The following CLIC5 variants were observed in gnomAD, a reference collection of about 807,000 sequenced individuals.
The protein encoded by CLIC5 is chloride intracellular channel protein 5.
A neutral mutation model predicts 24.7 loss-of-function variants in CLIC5; 20 were observed. The observed-to-expected ratio is 0.81, with a 90% CI of 0.57 to 1.18. The LOEUF is 1.18. CLIC5 is among the 50% of genes most tolerant of loss of function. The pLI is 0.00. For synonymous variants in CLIC5, 159 were observed against 135.6 expected (o/e 1.17, Z -1.20); for missense variants, 341 against 326.1 (o/e 1.05, Z -0.35).
chr6:46,088,161 C>CTGTGTG, the CLIC5 span, among the ~76,000 whole-genome samples: 11,036 of 146,376 alleles, frequency 0.075, 487 homozygotes, highest in South Asian at 0.12. Context: ...CGCTCTCTTT[C>CTGTGTG]TGTGTGTGTG....
chr6:46,126,725 C>T, the CLIC5 span, among the ~76,000 whole-genome samples: 1 of 152,178 alleles, frequency 6.6e-6, no homozygotes, highest in African/African-American at 2.4e-5. Flanking sequence ...CTCTCCTTGA[C>T]ATTCAATTAT....
intron 1 of CLIC5, among the ~76,000 whole-genome samples, chr6:46,055,501 G>A (rs1768222844): frequency 1.3e-5 from 2 of 152,330 alleles, no homozygotes; most frequent in African/African-American, 2.4e-5. Flanking sequence ...GCCTCCCAAA[G>A]TGCTGGGATT....
rs543749667 is a variant in CLIC5, at chr6:46,072,346, TGTGGTCAAGATGACACTGATCAGTA to T, written c.540+7332_540+7356del. Among the ~76,000 whole-genome samples the T allele has an allele frequency of 1.2e-3, 177 of 151,992 alleles. 3 individuals are homozygous for T. The South Asian group carries it at 0.031, about 27-fold the overall frequency. The stretch of plus-strand genomic sequence containing the variant: ...GAGGCAGAGTGACCAGTTAAACAGC[TGTGGTCAAGATGACACTGATCAGTA>T]GTGGCCAAGATGAAGAGGAGAGAAT... On this transcript the variant is annotated intron_variant, in intron 1 of 5. Coordinates refer to the CLIC5 transcript ENST00000185206.
downstream of CLIC5, among the ~76,000 whole-genome samples, chr6:45,894,767 G>A (rs1253103904): frequency 2.0e-5 from 3 of 152,114 alleles, no homozygotes; most frequent in African/African-American, 7.2e-5. Context: ...GGCAGAAAAC[G>A]GGCTGGGATT....
intron 1 of CLIC5, among the ~76,000 whole-genome samples, chr6:45,963,860 A>G (rs1764931720): frequency 6.6e-6 from 1 of 152,134 alleles, no homozygotes; most frequent in Non-Finnish European, 1.5e-5. Context: ...GTCAGACAAT[A>G]TGCCTTGTTA....
chr6:46,090,429 A>T, the CLIC5 span, among the ~76,000 whole-genome samples: 3 of 149,362 alleles, frequency 2.0e-5, no homozygotes, highest in African/African-American at 7.4e-5. Flanking sequence ...TCCACTTCCC[A>T]ATTATTTTGC....
intron 1 of CLIC5, among the ~76,000 whole-genome samples, chr6:45,981,137 T>C (rs774846588): frequency 6.6e-5 from 10 of 151,954 alleles, no homozygotes; most frequent in Non-Finnish European, 1.2e-4. Flanking sequence ...GTCTGGCTAA[T>C]TTTTGTATTT....
At chr6:45,906,413 G>A (rs1297111460) in intron 5 of CLIC5, among the ~76,000 whole-genome samples, 1 of 152,058 alleles carries the variant, frequency 6.6e-6, no homozygotes, top group Non-Finnish European at 1.5e-5. Flanking sequence ...AGCTCCCCTT[G>A]TAGAGATTTT....
At chr6:46,050,550 A>G (rs12192802) in intron 1 of CLIC5, among the ~76,000 whole-genome samples, 30,120 of 152,164 alleles carry the variant, frequency 0.2, 3,163 homozygotes, top group South Asian at 0.36. Flanking sequence ...ACAGATGCCA[A>G]ACCAATTTGC....
chr6:45,941,706 A>G, intron 3 of CLIC5, 53 bp from the exon 4 acceptor site: 1 of 1,297,042 alleles, frequency 7.7e-7, no homozygotes, highest in Non-Finnish European at 1.1e-6. Context: ...AGCTCCTTTA[A>G]GGGTGAGCCT....
intron 1 of CLIC5, among the ~76,000 whole-genome samples, chr6:45,984,919 G>A (rs1443074852): frequency 6.6e-6 from 1 of 152,188 alleles, no homozygotes. Flanking sequence ...GGGAAACAAG[G>A]TCGGTAACTG....
intron 4 of CLIC5, among the ~76,000 whole-genome samples, chr6:45,925,326 T>C (rs1235352945): frequency 6.6e-6 from 1 of 151,702 alleles, no homozygotes; most frequent in Non-Finnish European, 1.5e-5. Flanking sequence ...GCTTTTTTTT[T>C]TTTTTTTTGA....
intron 1 of CLIC5, among the ~76,000 whole-genome samples, chr6:46,057,726 C>A (rs940756864): frequency 6.6e-6 from 1 of 152,164 alleles, no homozygotes. Flanking sequence ...ATACCAGAAC[C>A]ATCCCCACCC....
At chr6:46,052,091 A>G (rs1294107789) in intron 1 of CLIC5, among the ~76,000 whole-genome samples, 12 of 151,072 alleles carry the variant, frequency 7.9e-5, no homozygotes, top group Non-Finnish European at 1.8e-4. Context: ...TCCATAGTAT[A>G]TTTCTTGGAA....
At chr6:46,001,267 G>A (rs1423882046) in intron 1 of CLIC5, among the ~76,000 whole-genome samples, 1 of 152,168 alleles carries the variant, frequency 6.6e-6, no homozygotes, top group Non-Finnish European at 1.5e-5. Flanking sequence ...ACTGGGTGGA[G>A]AGCCTGGTGT....
chr6:46,114,330 G>C, the CLIC5 span, among the ~76,000 whole-genome samples: 11 of 152,286 alleles, frequency 7.2e-5, no homozygotes, highest in African/African-American at 2.4e-4. Flanking sequence ...GCGCAGCCCA[G>C]TGTTGGCTGC....
chr6:45,995,765 C>G lies in CLIC5; in HGVS notation c.63+19715G>C, dbSNP rs186452637. Among the ~76,000 whole-genome samples, 238 of 152,164 alleles carry G rather than the reference C, an allele frequency of 1.6e-3. 1 individual carries two copies. Among genetic ancestry groups the G allele is most frequent in the African/African-American group, 5.4e-3 (226 of 41,498 alleles). On this transcript the variant is annotated intron_variant, in intron 1 of 5. Transcript: ENST00000339561. ...GATAAAGAAATGTGGTACACATACACCATGGAATACTATGCAGCCATAAAA... is the reference window on the plus strand; with the variant it reads ...GATAAAGAAATGTGGTACACATACAGCATGGAATACTATGCAGCCATAAAA...
intron 6 of CLIC5, among the ~76,000 whole-genome samples, chr6:45,887,463 G>A (rs767295966): frequency 6.6e-5 from 10 of 152,156 alleles, no homozygotes; most frequent in Admixed American, 2.0e-4. Context: ...AGTCATACTG[G>A]ATTAAGGTGA....
At chr6:45,996,388 T>C (rs1438987900) in intron 1 of CLIC5, among the ~76,000 whole-genome samples, 1 of 152,174 alleles carries the variant, frequency 6.6e-6, no homozygotes, top group Non-Finnish European at 1.5e-5. Flanking sequence ...TTGTTGCCAT[T>C]GCTTTTGGTG....
Sources: allele counts gnomAD v4.1 joint callset (sites outside exome capture counted in the v4.1 genomes callset), GRCh38; gene constraint gnomAD v4.1.1; transcripts MANE v1.5; gene names NCBI Gene and HGNC (gene_info 2026-07-23, HGNC 2026-07-21).